Variants in WDR27 observed in about 807,000 individuals in gnomAD.
WDR27 encodes the protein WD repeat domain 27.
In WDR27, 100 loss-of-function variants were observed where a neutral mutation model predicts 114.4. That is an observed-to-expected ratio of 0.87 (90% confidence interval 0.74 to 1.03). WDR27 has a LOEUF of 1.03. Ranked by LOEUF, WDR27 falls within the 50% of genes least tolerant of loss-of-function variation. The probability of loss-of-function intolerance (pLI) is 0.00; values close to 1 mark genes in which losing one functional copy is unlikely to be tolerated. For missense variants in WDR27, 1,129 were observed against 1,092.9 expected (o/e 1.03, Z -0.47); for synonymous variants, 449 against 423.1 (o/e 1.06, Z -0.75).
the WDR27 span, among the ~76,000 whole-genome samples, chr6:169,436,440 AAAC>A: frequency 6.6e-6 from 1 of 151,530 alleles, no homozygotes; most frequent in Non-Finnish European, 1.5e-5. Flanking sequence ...GGTTTAATGA[AAAC>A]AACTGTATCT....
chr6:169,675,089 A>T (rs1295260247), intron 2 of WDR27, among the ~76,000 whole-genome samples: 1 of 152,194 alleles, frequency 6.6e-6, no homozygotes, highest in Non-Finnish European at 1.5e-5. Flanking sequence ...GTGTACATGC[A>T]GGTCACAGGG....
chr6:169,651,879 C>T, intron 14 of WDR27, 51 bp downstream of exon 14: 1 of 1,528,826 alleles, frequency 6.5e-7, no homozygotes, highest in Non-Finnish European at 9.0e-7. Flanking sequence ...TAAAATCCTG[C>T]ATCTGTGACG....
intron 25 of WDR27, among the ~76,000 whole-genome samples, chr6:169,532,253 A>C (rs367599805): frequency 1.8e-4 from 28 of 152,090 alleles, no homozygotes; most frequent in African/African-American, 3.6e-4. Flanking sequence ...TAATTCCCTT[A>C]TTTTTTAATA....
chr6:169,632,991 C>T lies in WDR27; in HGVS notation c.2179G>A (p.Ala727Thr). Residue 727 changes from alanine (A) to threonine (T), a missense_variant, in exon 21 of 26, where the codon GCG (alanine) becomes ACG (threonine). Transcript: ENST00000448612. ...LNAGCSAAVI[A>T]EAHSRPVHQI... Reference sequence around the variant, plus strand: ...TGGACAGGCCGTGAGTGGGCTTCCGCTATCACCGCTGCACTGCAGCCGGCG... The same window carrying T: ...TGGACAGGCCGTGAGTGGGCTTCCGTTATCACCGCTGCACTGCAGCCGGCG... The T allele has an allele frequency of 6.3e-7, 1 of 1,597,416 alleles. No homozygotes were observed. The highest frequency in any genetic ancestry group is 8.6e-7 in the Non-Finnish European group (1 of 1,166,634).
intron 21 of WDR27, among the ~76,000 whole-genome samples, chr6:169,626,006 A>T (rs1314649630): frequency 6.6e-6 from 1 of 152,168 alleles, no homozygotes; most frequent in African/African-American, 2.4e-5. Flanking sequence ...GTCACCAAGG[A>T]CACTGACAGG....
At chr6:169,434,498 T>G in the WDR27 span, among the ~76,000 whole-genome samples, 1 of 152,256 alleles carries the variant, frequency 6.6e-6, no homozygotes, top group Non-Finnish European at 1.5e-5. Flanking sequence ...TAGTATAGTT[T>G]GAAGTCAGGT....
chr6:169,624,162 T>TGCC (rs1400448257), intron 21 of WDR27, among the ~76,000 whole-genome samples: 43 of 150,184 alleles, frequency 2.9e-4, no homozygotes, highest in Non-Finnish European at 5.6e-4. Flanking sequence ...GCGTCAGGTG[T>TGCC]GTGGCGTCAG....
At chr6:169,532,031 T>G (rs1214834712) in intron 25 of WDR27, among the ~76,000 whole-genome samples, 1 of 152,212 alleles carries the variant, frequency 6.6e-6, no homozygotes, top group Non-Finnish European at 1.5e-5. Flanking sequence ...AAAGTATCTT[T>G]AAAGTCTTAA....
chr6:169,571,551 C>T lies in WDR27; in HGVS notation c.2645+868G>A, dbSNP rs549658442. Among the ~76,000 whole-genome samples, 28 of 152,350 alleles carry T rather than the reference C, an allele frequency of 1.8e-4. No homozygotes were observed. In the South Asian group the frequency reaches 3.1e-3, roughly 17 times the overall value. ...ACCACTCAAAAACTGCATTGGGCCA[C>T]GTGCGGCAGCTCGCACCTGCAATCC... On this transcript the variant is annotated intron_variant, in intron 25 of 25. Coordinates refer to ENST00000448612, the MANE Select transcript of WDR27 (RefSeq NM_182552.5).
At chr6:169,625,045 A>G (rs893267106) in intron 21 of WDR27, among the ~76,000 whole-genome samples, 5 of 152,178 alleles carry the variant, frequency 3.3e-5, no homozygotes, top group Non-Finnish European at 7.4e-5. Flanking sequence ...GAATAAACAC[A>G]CACGTAGCTG....
intron 21 of WDR27, among the ~76,000 whole-genome samples, chr6:169,628,887 T>C (rs191332667): frequency 2.6e-5 from 4 of 151,870 alleles, no homozygotes; most frequent in Non-Finnish European, 5.9e-5. Flanking sequence ...AGTAGTTGCA[T>C]GTGGAACGTA....
At chr6:169,478,260 TA>T (rs1354804198) in intron 25 of WDR27, among the ~76,000 whole-genome samples, 1 of 152,200 alleles carries the variant, frequency 6.6e-6, no homozygotes, top group Non-Finnish European at 1.5e-5. Flanking sequence ...TTGCCATATA[TA>T]AATTATATAT....
In WDR27 at chr6:169,644,975, C is replaced by T. The variant is rs1403669540; in HGVS notation, c.1658-1189G>A. On this transcript the variant is annotated intron_variant, in intron 16 of 25. Coordinates refer to ENST00000448612, the MANE Select transcript of WDR27 (RefSeq NM_182552.5). The stretch of plus-strand genomic sequence containing the variant: ...AGTGAGCCGAGATCCCGCCACTGCA[C>T]TCCAGCCTGAGTGACAGAGCGAGAC... Among the ~76,000 whole-genome samples, 4 of 55,916 alleles carry T rather than the reference C, an allele frequency of 7.2e-5. No individual in the cohort carries two copies. In the Admixed American group the frequency reaches 7.4e-4, roughly 10 times the overall value. The allele number at this position is 55,916 out of a possible 152,430, so 36.7% of individuals were successfully genotyped here. A position where few individuals can be genotyped will look rare whatever the true frequency, so the allele number is the denominator to read the frequency against.
chr6:169,531,423 A>G (rs1372623264), intron 25 of WDR27, among the ~76,000 whole-genome samples: 2 of 152,180 alleles, frequency 1.3e-5, no homozygotes, highest in African/African-American at 4.8e-5. Flanking sequence ...TGAGGAACAG[A>G]AACATTTGGA....
chr6:169,664,290 C>A lies in WDR27; in HGVS notation c.784-4G>T. The A allele has an allele frequency of 6.2e-7, 1 of 1,613,930 alleles. No homozygotes were observed. The highest frequency in any genetic ancestry group is 1.3e-5 in the African/African-American group (1 of 75,046). The stretch of plus-strand genomic sequence containing the variant: ...CCATCAAACTGAAGATCCAAAGCTA[C>A]AAAAGCAAAGAAGATGCAGACATGG... On this transcript the variant is annotated splice_region_variant and splice_polypyrimidine_tract_variant and intron_variant, in intron 7 of 25. Coordinates refer to ENST00000448612, the MANE Select transcript of WDR27 (RefSeq NM_182552.5).
At chr6:169,481,955 C>A (rs1005307563) in intron 25 of WDR27, among the ~76,000 whole-genome samples, 1 of 152,206 alleles carries the variant, frequency 6.6e-6, no homozygotes, top group African/African-American at 2.4e-5. Context: ...CACATTTTCA[C>A]CCCCTACTGT....
At chr6:169,665,300 G>A (rs1255631743) in intron 7 of WDR27, 186 bp downstream of exon 7, 4 of 1,378,854 alleles carry the variant, frequency 2.9e-6, no homozygotes, top group East Asian at 5.4e-5. Flanking sequence ...AGACCAGGGG[G>A]CCCAGGACCA....
chr6:169,668,054 C>T lies in WDR27; in HGVS notation c.588G>A (p.Pro196=), dbSNP rs369741648. The change falls in exon 5 of 26, where the codon CCG becomes CCA. Residue 196 remains proline (P), a synonymous_variant. Transcript: ENST00000448612. ...VRAELQGHLG[P]VTAVEFCPWR... ...AGGGACAGAACTCCACCGCAGTCAC[C>T]GGGCCCAGGTGGCCCTGCAGCTCGG... The T allele has an allele frequency of 1.4e-5, 23 of 1,613,886 alleles. No individual in the cohort carries two copies. In the African/African-American group the frequency reaches 2.1e-4, roughly 15 times the overall value.
At chr6:169,453,961 T>A (rs192387234), downstream of WDR27, among the ~76,000 whole-genome samples, 121 of 152,334 alleles carry the variant, frequency 7.9e-4, no homozygotes, top group Non-Finnish European at 8.8e-5. Flanking sequence ...CACAATACTT[T>A]CATGAACCAT....
Sources: gnomAD v4.1 joint callset for allele counts (sites outside exome capture counted in the v4.1 genomes callset) on GRCh38, gnomAD v4.1.1 for gene constraint, MANE v1.5 for transcripts, NCBI Gene and HGNC (gene_info 2026-07-23, HGNC 2026-07-21) for gene names.